The following NRG2 variants were observed in gnomAD, a reference collection of about 807,000 sequenced individuals.
The protein encoded by NRG2 is pro-neuregulin-2, membrane-bound isoform.
Under a neutral mutation model 73.9 loss-of-function variants are expected in NRG2, and 27 were observed. The observed-to-expected ratio is 0.37, with a 90% CI of 0.27 to 0.50. NRG2 has a LOEUF of 0.50. Among genes scored for constraint, NRG2 ranks in the 20% least tolerant of loss-of-function variants. The probability of loss-of-function intolerance (pLI) is 0.96; values close to 1 mark genes in which losing one functional copy is unlikely to be tolerated. For synonymous variants in NRG2, 532 were observed against 541.0 expected, an observed-to-expected ratio of 0.98 and a Z score of 0.23; for missense variants, 1,126 against 1,210.1, an observed-to-expected ratio of 0.93 and a Z score of 1.03.
intron 1 of NRG2, among the ~76,000 whole-genome samples, chr5:139,911,788 T>A (rs1222072376): frequency 6.6e-6 from 1 of 152,230 alleles, no homozygotes; most frequent in Non-Finnish European, 1.5e-5. Flanking sequence ...TCAACCCTTC[T>A]GCCTGCCCCC....
intron 1 of NRG2, among the ~76,000 whole-genome samples, chr5:139,973,879 T>G (rs1756175903): frequency 1.3e-5 from 2 of 152,124 alleles, no homozygotes; most frequent in South Asian, 2.1e-4. Flanking sequence ...AGAGTAGGTA[T>G]AGTATGATCC....
At chr5:140,028,021 G>C (rs1760839150) in intron 1 of NRG2, among the ~76,000 whole-genome samples, 1 of 152,194 alleles carries the variant, frequency 6.6e-6, no homozygotes, top group Non-Finnish European at 1.5e-5. Flanking sequence ...CTAGGGACTA[G>C]CGACTAATGT....
intron 1 of NRG2, among the ~76,000 whole-genome samples, chr5:139,951,348 T>C (rs1238619598): frequency 6.6e-6 from 1 of 152,186 alleles, no homozygotes; most frequent in African/African-American, 2.4e-5. Flanking sequence ...GGCCTTTCAT[T>C]GTTCCTGCTC....
chr5:139,957,282 T>C (rs1754696271), intron 1 of NRG2, among the ~76,000 whole-genome samples: 2 of 151,078 alleles, frequency 1.3e-5, no homozygotes, highest in South Asian at 4.2e-4. Context: ...AACTAGCTGG[T>C]CACCATCCCC....
intron 1 of NRG2, among the ~76,000 whole-genome samples, chr5:139,946,092 T>A (rs1175979940): frequency 8.5e-5 from 13 of 152,070 alleles, no homozygotes; most frequent in Non-Finnish European, 1.9e-4. Context: ...TGGCTTGCTT[T>A]TTTTGCAAAA....
chr5:139,876,197 C>T (rs1763165568), intron 3 of NRG2, among the ~76,000 whole-genome samples: 1 of 152,174 alleles, frequency 6.6e-6, no homozygotes, highest in South Asian at 2.1e-4. Context: ...GAATGGAGTA[C>T]TGATCCATGC....
chr5:139,942,456 G>A (rs1024590042), intron 1 of NRG2, among the ~76,000 whole-genome samples: 4 of 152,102 alleles, frequency 2.6e-5, no homozygotes, highest in South Asian at 4.1e-4. Flanking sequence ...TTCCACTTCA[G>A]GTTGTACTGA....
intron 1 of NRG2, among the ~76,000 whole-genome samples, chr5:139,981,209 C>A (rs569294093): frequency 2.0e-4 from 30 of 152,334 alleles, no homozygotes; most frequent in Admixed American, 1.8e-3. Context: ...CCAGCACCAG[C>A]CTGAGCAAGC....
At chr5:139,879,381 C>T (rs1360164302) in intron 3 of NRG2, among the ~76,000 whole-genome samples, 3 of 152,298 alleles carry the variant, frequency 2.0e-5, no homozygotes, top group Non-Finnish European at 4.4e-5. Context: ...GGGAGAGACG[C>T]TGCAGTGGGT....
At position 139,848,367 on chromosome 5, in the gene NRG2, A is replaced by C; in HGVS notation, c.2103T>G (p.Pro701=). The change falls in exon 10 of 10, where the codon CCT becomes CCG. Residue 701 remains proline, a synonymous_variant. Transcript: ENST00000361474. ...CALGGSLGSL[P]ASPFRIPEDD... ...CCTCGGGGATGCGGAAGGGGCTGGC[A>C]GGCAGGCTGCCCAGGCTGCCGCCGA... is the stretch of plus-strand genomic sequence containing the variant. 1 of 1,238,734 alleles carries C rather than the reference A, an allele frequency of 8.1e-7. No homozygotes were observed. Among genetic ancestry groups the C allele is most frequent in the Non-Finnish European group, 1.0e-6 (1 of 996,322 alleles). The allele number at this position is 1,238,734 out of a possible 1,614,324, so 76.7% of individuals were successfully genotyped here.
intron 1 of NRG2, among the ~76,000 whole-genome samples, chr5:139,914,265 C>T (rs1751071665): frequency 1.3e-5 from 2 of 152,154 alleles, no homozygotes; most frequent in South Asian, 4.1e-4. Context: ...GGGATGCGAG[C>T]AAGCTAGGAG....
intron 1 of NRG2, among the ~76,000 whole-genome samples, chr5:139,947,980 C>T (rs1006936780): frequency 6.6e-6 from 1 of 152,142 alleles, no homozygotes; most frequent in African/African-American, 2.4e-5. Context: ...AGTACATGAA[C>T]ATTGTTGTGC....
Position 139,848,326 on chromosome 5 carries a change from G to T in NRG2, c.2144C>A (p.Thr715Asn). ...CGGCGGGGGCGCGCACTCCTGCGTG[G>T]TCTCGTACTCGTCGTCCTCGGGGAT... ...FRIPEDDEYE[T>N]TQECAPPPPP... The change falls in exon 10 of 10, where the codon ACC becomes AAC. Residue 715 changes from threonine (T) to asparagine (N), a missense_variant. Transcript: ENST00000361474. The T allele has an allele frequency of 1.7e-6, 2 of 1,204,812 alleles. No homozygotes were observed. Among genetic ancestry groups the T allele is most frequent in the Non-Finnish European group, 2.1e-6 (2 of 972,896 alleles). The allele number at this position is 1,204,812 out of a possible 1,614,324, so 74.6% of individuals were successfully genotyped here.
Position 139,865,724 on chromosome 5 carries a change from A to G in NRG2, c.1113-99T>C. On this transcript the variant is annotated intron_variant, in intron 4 of 9. Coordinates refer to ENST00000361474, the MANE Select transcript of NRG2 (RefSeq NM_004883.3). The surrounding 1 kb of genome is among the most constrained non-coding windows in gnomAD (Gnocchi z 5.2). Reference sequence around the variant, plus strand: ...GCACAGTGATGAATGAGAAAAACCAAGTCAGGCACTTGGGGTCATACTTGT... The same window carrying G: ...GCACAGTGATGAATGAGAAAAACCAGGTCAGGCACTTGGGGTCATACTTGT... The G allele has an allele frequency of 1.0e-6, 1 of 966,954 alleles. No individual in the cohort carries two copies. The highest frequency in any genetic ancestry group is 1.6e-6 in the Non-Finnish European group (1 of 640,368). The allele number at this position is 966,954 out of a possible 1,614,324, so 59.9% of individuals were successfully genotyped here.
chr5:139,887,453 T>C lies in NRG2; in HGVS notation c.759A>G (p.Gln253=). 3.1e-6 allele frequency: 5 copies of C among 1,614,246 alleles called. No homozygotes were observed. Among genetic ancestry groups the C allele is most frequent in the Non-Finnish European group, 4.2e-6 (5 of 1,180,046 alleles). The change falls in exon 2 of 10, where the codon CAA becomes CAG. Residue 253 remains glutamine, a synonymous_variant. Transcript: ENST00000361474. The surrounding 1 kb of genome is among the most constrained non-coding windows in gnomAD (Gnocchi z 4.5). Reference sequence around the variant, plus strand: ...CGGCTGCTGCCTCACACTTCAGCGATTGCTTCTCACCCACCTGTCCCGTCT... The same window carrying C: ...CGGCTGCTGCCTCACACTTCAGCGACTGCTTCTCACCCACCTGTCCCGTCT... The part of the protein sequence containing the change: ...KSQTGQVGEK[Q]SLKCEAAAGN...
chr5:139,962,844 C>T (rs1420743822), intron 1 of NRG2, among the ~76,000 whole-genome samples: 1 of 152,186 alleles, frequency 6.6e-6, no homozygotes, highest in East Asian at 1.9e-4. Flanking sequence ...GCCTACTCTG[C>T]CTCTTGCCCC....
intron 1 of NRG2, among the ~76,000 whole-genome samples, chr5:139,908,685 AAGATAGG>A (rs1279602143): frequency 6.6e-6 from 1 of 152,204 alleles, no homozygotes; most frequent in East Asian, 1.9e-4. Context: ...GTTGCTCAAG[AAGATAGG>A]AGATGAGAGA....
In NRG2 at chr5:139,855,488, C is replaced by T. The variant is rs182875098; in HGVS notation, c.1292+188G>A. Among the ~76,000 whole-genome samples, 76 of 152,348 alleles carry T rather than the reference C, an allele frequency of 5.0e-4. 3 individuals are homozygous for T. Among genetic ancestry groups the T allele is most frequent in the African/African-American group, 1.8e-3 (75 of 41,574 alleles). On this transcript the variant is annotated intron_variant, in intron 6 of 9. Coordinates refer to ENST00000361474, the MANE Select transcript of NRG2 (RefSeq NM_004883.3). ...TGGGGCCTGTCTCCCTGACCCTCTG[C>T]CTCTACTTCTTGGTCCAGATCTTTG...
At chr5:140,001,158 A>G (rs922635972) in intron 1 of NRG2, among the ~76,000 whole-genome samples, 2 of 152,160 alleles carry the variant, frequency 1.3e-5, no homozygotes, top group African/African-American at 4.8e-5. Context: ...TATCCATACC[A>G]TTTATTAGCA....
Sources: allele counts gnomAD v4.1 joint callset (sites outside exome capture counted in the v4.1 genomes callset), GRCh38; gene constraint gnomAD v4.1.1; non-coding constraint Gnocchi (gnomAD v3.1); transcripts MANE v1.5; gene names NCBI Gene and HGNC (gene_info 2026-07-23, HGNC 2026-07-21).